SRC: variants seen among roughly 807,000 people sequenced by gnomAD.
SRC encodes the protein SRC proto-oncogene, non-receptor tyrosine kinase.
A neutral mutation model predicts 62.9 loss-of-function variants in SRC; 13 were observed. The observed-to-expected ratio is 0.21, with a 90% CI of 0.13 to 0.33. The LOEUF (loss-of-function observed/expected upper bound fraction) is 0.33. SRC is among the 10% of genes least tolerant of loss of function. The pLI is 1.00. For missense variants in SRC, 457 were observed against 737.3 expected (o/e 0.62, Z 4.40); for synonymous variants, 302 against 317.5 (o/e 0.95, Z 0.52).
intron 2 of SRC, among the ~76,000 whole-genome samples, chr20:37,374,914 A>G (rs1420144770): frequency 2.7e-4 from 40 of 149,434 alleles, no homozygotes; most frequent in Non-Finnish European, 1.2e-4. Context: ...AATTCCATTT[A>G]TTCTTCAATT....
Position 37,402,159 on chromosome 20 carries a change from C to A in SRC, c.1117-276C>A. On this transcript the variant is annotated intron_variant, in intron 11 of 13. Transcript: ENST00000373578. The surrounding 1 kb of genome is among the most constrained non-coding windows in gnomAD (Gnocchi z 6.2). ...TGTCTGGGTCCGCTGGGGCCTCTTT[C>A]CCTGGTCACCTCGCTTTCCTGGCTG... The A allele has an allele frequency of 2.4e-6, 1 of 424,530 alleles. No individual in the cohort carries two copies. 26.3% of individuals were successfully genotyped at this position (424,530 alleles called of 1,614,324 possible).
intron 7 of SRC, among the ~76,000 whole-genome samples, chr20:37,394,895 A>T (rs185115822): frequency 9.2e-5 from 14 of 152,216 alleles, no homozygotes; most frequent in Admixed American, 9.1e-4. Flanking sequence ...GCGGGTGTGC[A>T]TGCTGTGTGT....
intron 2 of SRC, among the ~76,000 whole-genome samples, chr20:37,381,322 G>C (rs112327864): frequency 0.031 from 4,752 of 152,226 alleles, 128 homozygotes; most frequent in Non-Finnish European, 0.045. Flanking sequence ...CCCCTTCCAA[G>C]AGGTGACATG....
chr20:37,387,698 G>A (rs1309213797), intron 5 of SRC, among the ~76,000 whole-genome samples: 1 of 152,222 alleles, frequency 6.6e-6, no homozygotes, highest in African/African-American at 2.4e-5. Flanking sequence ...TGGCTCTCTG[G>A]TGCACCTCAC....
chr20:37,360,362 T>C (rs930615394), intron 1 of SRC, among the ~76,000 whole-genome samples: 1 of 151,800 alleles, frequency 6.6e-6, no homozygotes, highest in Non-Finnish European at 1.5e-5. Context: ...TAGCTGGGAC[T>C]ACAGGCGCAT....
intron 2 of SRC, among the ~76,000 whole-genome samples, chr20:37,377,148 T>C (rs1241090557): frequency 6.6e-6 from 1 of 152,210 alleles, no homozygotes; most frequent in Non-Finnish European, 1.5e-5. Context: ...GTGCTTGGCA[T>C]TCAAGGCCCT....
chr20:37,384,494 C>T lies in SRC; in HGVS notation c.250+91C>T. 1 of 1,246,668 alleles carries T rather than the reference C, an allele frequency of 8.0e-7. No homozygotes were observed. The allele number at this position is 1,246,668 out of a possible 1,614,324, so 77.2% of individuals were successfully genotyped here. ...TGTGCCCGGGGTCGCCCCCTCTGCG[C>T]AGGCCCTTCCTCTCGCCAGGGGTAG... On this transcript the variant is annotated intron_variant, in intron 4 of 13. Transcript: ENST00000373578. The surrounding 1 kb of genome is among the most constrained non-coding windows in gnomAD (Gnocchi z 6.7).
chr20:37,349,435 T>C (rs1348947373), intron 1 of SRC, among the ~76,000 whole-genome samples: 2 of 152,230 alleles, frequency 1.3e-5, no homozygotes, highest in African/African-American at 2.4e-5. Flanking sequence ...CCTGGGTTTA[T>C]GTTCTGACCG....
intron 1 of SRC, among the ~76,000 whole-genome samples, 171 bp downstream of exon 1, chr20:37,346,426 A>C (rs2069722039): frequency 1.4e-5 from 2 of 143,294 alleles, no homozygotes; most frequent in South Asian, 2.4e-4. Flanking sequence ...GGGCGGGCGC[A>C]CGGGGCCATG....
At chr20:37,362,604 A>G (rs2146943938) in intron 1 of SRC, among the ~76,000 whole-genome samples, 1 of 152,070 alleles carries the variant, frequency 6.6e-6, no homozygotes. Flanking sequence ...TAGCCTCCTC[A>G]GCTGCCAAGG....
Position 37,396,033 on chromosome 20 carries a change from A to C in SRC, c.554-129A>C. 7.5e-7 allele frequency: 1 copy of C among 1,329,604 alleles called. No homozygotes were observed. The highest frequency in any genetic ancestry group is 1.0e-6 in the Non-Finnish European group (1 of 982,644). 82.4% of individuals were successfully genotyped at this position (1,329,604 alleles called of 1,614,324 possible). A position where few individuals can be genotyped will look rare whatever the true frequency, so the allele number is the denominator to read the frequency against. ...GCCCCGGGGCTGGCTGTTGAGAGAC[A>C]GGGTGGGCCTGGGGCCCCGCCTGGG... is the stretch of plus-strand genomic sequence containing the variant. On this transcript the variant is annotated intron_variant, in intron 7 of 13. Coordinates refer to ENST00000373578, the MANE Select transcript of SRC (RefSeq NM_198291.3). This position sits in a 1 kb window ranked among gnomAD's most constrained non-coding sequence, Gnocchi z 6.1.
At chr20:37,350,571 T>C (rs945593488) in intron 1 of SRC, among the ~76,000 whole-genome samples, 3 of 152,214 alleles carry the variant, frequency 2.0e-5, no homozygotes. Flanking sequence ...TTCCCTGCTG[T>C]TTGTCCAAAG....
chr20:37,385,785 C>G (rs1310329690), intron 4 of SRC, among the ~76,000 whole-genome samples: 3 of 152,240 alleles, frequency 2.0e-5, no homozygotes, highest in Admixed American at 2.0e-4. Flanking sequence ...GCTCCTAGAG[C>G]AAGACAGGCA....
rs1180935690 is a variant in SRC at position 37,397,543 on chromosome 20, G to A, written c.704-156G>A. Among the ~76,000 whole-genome samples the A allele has an allele frequency of 1.5e-4, 23 of 152,220 alleles. No individual in the cohort carries two copies. Among genetic ancestry groups the A allele is most frequent in the Admixed American group, 1.5e-3 (23 of 15,290 alleles). On this transcript the variant is annotated intron_variant, in intron 8 of 13. Coordinates refer to ENST00000373578, the MANE Select transcript of SRC (RefSeq NM_198291.3). This position sits in a 1 kb window ranked among gnomAD's most constrained non-coding sequence, Gnocchi z 4.1. The stretch of plus-strand genomic sequence containing the variant: ...CACTGTGGGCCTGTGTGGGGGTGGG[G>A]CTGTGTGCACACAGATGTAGATGCC...
At chr20:37,386,922 C>G (rs2070464751) in intron 5 of SRC, among the ~76,000 whole-genome samples, 1 of 152,254 alleles carries the variant, frequency 6.6e-6, no homozygotes, top group Non-Finnish European at 1.5e-5. Flanking sequence ...CTCCTGGAGC[C>G]CCTGCTGTGG....
rs554029456 is a variant in SRC, at chr20:37,405,461, C to T, written c.*2082C>T. 7 of 188,258 alleles carry T rather than the reference C, an allele frequency of 3.7e-5. No individual in the cohort carries two copies. Among genetic ancestry groups the T allele is most frequent in the South Asian group, 2.0e-4 (1 of 5,120 alleles). 11.7% of individuals were successfully genotyped at this position (188,258 alleles called of 1,614,324 possible). The stretch of plus-strand genomic sequence containing the variant: ...TGAACATCTACTGTGTGCTGGAAAG[C>T]GAGATGGGGCGGAATGCGAGAACAA... On this transcript the variant is annotated 3_prime_UTR_variant, in exon 14 of 14. Transcript: ENST00000373578.
In SRC at chr20:37,384,426, G is replaced by A. The variant is rs2147051374; in HGVS notation, c.250+23G>A. On this transcript the variant is annotated intron_variant, in intron 4 of 13. Transcript: ENST00000373578. The surrounding 1 kb of genome is among the most constrained non-coding windows in gnomAD (Gnocchi z 6.7). ...CCGGTCAGTGCGCGGGCGGCGCGGG[G>A]TCCTCGCCCACCTGGGGCCACGGCG... is the stretch of plus-strand genomic sequence containing the variant. 2.3e-6 allele frequency: 3 copies of A among 1,328,844 alleles called. No homozygotes were observed. The highest frequency in any genetic ancestry group is 2.9e-6 in the Non-Finnish European group (3 of 1,048,588). 82.3% of individuals were successfully genotyped at this position (1,328,844 alleles called of 1,614,324 possible).
chr20:37,398,417 G>A lies in SRC; in HGVS notation c.859+563G>A, dbSNP rs756908814. Among the ~76,000 whole-genome samples the A allele has an allele frequency of 2.6e-5, 4 of 152,230 alleles. No homozygotes were observed. Among genetic ancestry groups the A allele is most frequent in the East Asian group, 1.9e-4 (1 of 5,190 alleles). On this transcript the variant is annotated intron_variant, in intron 9 of 13. Coordinates refer to ENST00000373578, the MANE Select transcript of SRC (RefSeq NM_198291.3). The surrounding 1 kb of genome is among the most constrained non-coding windows in gnomAD (Gnocchi z 5.2). ...TGCTTTCTGCTCACACGGAGGGACC[G>A]GAGGCCAGGGTGGAGGAGAGACGGC...
chr20:37,356,826 C>T (rs749012946), intron 1 of SRC, among the ~76,000 whole-genome samples: 38 of 152,138 alleles, frequency 2.5e-4, no homozygotes, highest in Non-Finnish European at 2.6e-4. Context: ...AGTTGAGAGC[C>T]GTGGCTGTTG....
Sources: gnomAD v4.1 joint callset for allele counts (sites outside exome capture counted in the v4.1 genomes callset) on GRCh38, gnomAD v4.1.1 for gene constraint, Gnocchi (gnomAD v3.1) non-coding constraint, MANE v1.5 for transcripts, NCBI Gene and HGNC (gene_info 2026-07-23, HGNC 2026-07-21) for gene names.